TMPRSS3: variants seen among roughly 807,000 people sequenced by gnomAD.
TMPRSS3 encodes the protein transmembrane protease serine 3.
In TMPRSS3, 55 loss-of-function variants were observed where a neutral mutation model predicts 59.6. The ratio of observed to expected loss-of-function variants is 0.92; its 90% CI spans 0.74 to 1.16. The LOEUF (loss-of-function observed/expected upper bound fraction) is 1.16, where lower values mean the gene tolerates loss of function less well. Among genes scored for constraint, TMPRSS3 ranks in the 50% most tolerant of loss-of-function variants. TMPRSS3 has a pLI of 0.00. For missense variants in TMPRSS3, 596 were observed against 579.4 expected, an observed-to-expected ratio of 1.03 and a Z score of -0.29; for synonymous variants, 257 against 237.7, an observed-to-expected ratio of 1.08 and a Z score of -0.75.
chr21:42,381,771 C>T, intron 9 of TMPRSS3: 1 of 537,238 alleles, frequency 1.9e-6, no homozygotes, highest in South Asian at 2.0e-5. Context: ...CTACAAACTA[C>T]ATTTAAACAG....
chr21:42,377,227 C>G (rs1482025087), intron 10 of TMPRSS3, among the ~76,000 whole-genome samples: 2 of 152,200 alleles, frequency 1.3e-5, no homozygotes, highest in Non-Finnish European at 2.9e-5. Context: ...GGGAGATGAT[C>G]CCAAGTAAGA....
chr21:42,394,297 G>A (rs555468274), intron 2 of TMPRSS3, among the ~76,000 whole-genome samples: 9 of 152,154 alleles, frequency 5.9e-5, no homozygotes, highest in African/African-American at 2.2e-4. Flanking sequence ...TCAAATGGCT[G>A]TGTAAATTGC....
At position 42,391,552 on chromosome 21, in the gene TMPRSS3, G is replaced by A. The variant is rs150885490; in HGVS notation, c.95-1515C>T. Among the ~76,000 whole-genome samples, 533 of 152,322 alleles carry A rather than the reference G, an allele frequency of 3.5e-3. 1 individual carries two copies. Among genetic ancestry groups the A allele is most frequent in the Admixed American group, 8.6e-3 (131 of 15,308 alleles). ...TTCCTCCAGAGCAAAGTTTGCACAGGTCTGCTTGCAGACCACTGTAAAGAT... is the reference window on the plus strand; with the variant it reads ...TTCCTCCAGAGCAAAGTTTGCACAGATCTGCTTGCAGACCACTGTAAAGAT... On this transcript the variant is annotated intron_variant, in intron 2 of 12. Coordinates refer to ENST00000644384, the MANE Select transcript of TMPRSS3 (RefSeq NM_001256317.3).
At chr21:42,374,256 G>C (rs569953335) in intron 12 of TMPRSS3, among the ~76,000 whole-genome samples, 2 of 152,166 alleles carry the variant, frequency 1.3e-5, no homozygotes, top group African/African-American at 4.8e-5. Flanking sequence ...AGCAAGGTGA[G>C]CAGGAGCAAG....
chr21:42,390,004 A>T lies in TMPRSS3; in HGVS notation c.128T>A (p.Leu43Gln). 1 of 1,614,230 alleles carries T rather than the reference A, an allele frequency of 6.2e-7. No individual in the cohort carries two copies. Among genetic ancestry groups the T allele is most frequent in the African/African-American group, 1.3e-5 (1 of 75,068 alleles). ...ADAVAAQILS[L>Q]LPLKFFPIIV... ...GATTGGAAAAAACTTCAATGGCAGC[A>T]GTGACAGGATCTGTGCAGCAACAGC... The change falls in exon 3 of 13, where the codon CTG becomes CAG. Residue 43 changes from leucine (L) to glutamine (Q), a missense_variant. Coordinates refer to ENST00000644384, the MANE Select transcript of TMPRSS3 (RefSeq NM_001256317.3).
chr21:42,374,455 C>T (rs1332590846), intron 12 of TMPRSS3, among the ~76,000 whole-genome samples: 1 of 152,224 alleles, frequency 6.6e-6, no homozygotes, highest in East Asian at 1.9e-4. Flanking sequence ...GGAATTAACG[C>T]CTGAGGCACA....
At chr21:42,395,180 C>T in intron 2 of TMPRSS3, 144 bp downstream of exon 2, 1 of 735,180 alleles carries the variant, frequency 1.4e-6, no homozygotes, top group Non-Finnish European at 2.5e-6. Context: ...TGAGATTCTG[C>T]AGATCTAGGG....
At position 42,372,530 on chromosome 21, in the gene TMPRSS3, A is replaced by C. The variant is rs2052351910; in HGVS notation, c.*232T>G. The C allele has an allele frequency of 3.0e-6, 2 of 665,060 alleles. No homozygotes were observed. The highest frequency in any genetic ancestry group is 5.5e-6 in the Non-Finnish European group (2 of 361,700). The allele number at this position is 665,060 out of a possible 1,614,324, so 41.2% of individuals were successfully genotyped here. ...AGCAGGGATTTCGCCACTGCACTCC[A>C]GCCTGGGCAACAGAGCGAGACTCCA... On this transcript the variant is annotated 3_prime_UTR_variant, in exon 13 of 13. Transcript: ENST00000644384.
chr21:42,385,399 G>A lies in TMPRSS3; in HGVS notation c.572+10C>T. ...ACCTGTGCAGACAACAGCATCGCCTGACCACCTACCTCACATATACTGAGT... is the reference window on the plus strand; with the variant it reads ...ACCTGTGCAGACAACAGCATCGCCTAACCACCTACCTCACATATACTGAGT... On this transcript the variant is annotated intron_variant, in intron 6 of 12. Transcript: ENST00000644384. 3 of 1,613,844 alleles carry A rather than the reference G, an allele frequency of 1.9e-6. No homozygotes were observed. Among genetic ancestry groups the A allele is most frequent in the African/African-American group, 1.3e-5 (1 of 74,974 alleles).
chr21:42,383,841 A>T lies in TMPRSS3; in HGVS notation c.616+129T>A, dbSNP rs536811628. On this transcript the variant is annotated intron_variant, in intron 7 of 12. Coordinates refer to ENST00000644384, the MANE Select transcript of TMPRSS3 (RefSeq NM_001256317.3). ...CCTCCTCCAGCAGGTAGGGGTACAC[A>T]GAGTTCCCGCCTGGCACCCAGGAGG... 1.3e-3 allele frequency: 1,281 copies of T among 967,612 alleles called. 3 individuals carry two copies. Among genetic ancestry groups the T allele is most frequent in the Middle Eastern group, 3.3e-3 (16 of 4,856 alleles). 59.9% of individuals were successfully genotyped at this position (967,612 alleles called of 1,614,324 possible). A position where few individuals can be genotyped will look rare whatever the true frequency, so the allele number is the denominator to read the frequency against.
At chr21:42,374,462 C>G (rs543437426) in intron 12 of TMPRSS3, among the ~76,000 whole-genome samples, 1 of 152,344 alleles carries the variant, frequency 6.6e-6, no homozygotes, top group Admixed American at 6.5e-5. Flanking sequence ...ACGCCTGAGG[C>G]ACATTCAGCA....
In TMPRSS3 at chr21:42,389,861, C is replaced by T. The variant is rs146277759; in HGVS notation, c.205+66G>A. 0.016 allele frequency: 19,538 copies of T among 1,192,864 alleles called. 218 individuals are homozygous for T. Among genetic ancestry groups the T allele is most frequent in the Middle Eastern group, 0.023 (119 of 5,230 alleles). 73.9% of individuals were successfully genotyped at this position (1,192,864 alleles called of 1,614,324 possible). On this transcript the variant is annotated intron_variant, in intron 3 of 12. Coordinates refer to ENST00000644384, the MANE Select transcript of TMPRSS3 (RefSeq NM_001256317.3). ...AGCAAAATGCTGGGATGAGAGGGGG[C>T]GCTCATGAAAGTTTAACTACTTGGC...
intron 1 of TMPRSS3, 61 bp downstream of exon 1, chr21:42,395,881 G>A (rs948036258): frequency 8.0e-6 from 4 of 499,730 alleles, no homozygotes; most frequent in African/African-American, 1.9e-5. Context: ...CCACATAAAC[G>A]CAATTCTTTC....
chr21:42,385,108 CCTGCTTTCATTCCCCAGACA>C (rs760731046), intron 6 of TMPRSS3, among the ~76,000 whole-genome samples: 36 of 140,538 alleles, frequency 2.6e-4, no homozygotes, highest in Non-Finnish European at 4.6e-4. Context: ...TTCTTGCTTG[CCTGCTTTCATTCCCCAGACA>C]CACCCAGAGT....
chr21:42,394,958 T>G (rs2052782940), intron 2 of TMPRSS3, among the ~76,000 whole-genome samples: 1 of 152,246 alleles, frequency 6.6e-6, no homozygotes, highest in South Asian at 2.1e-4. Context: ...CAGTTTATCC[T>G]GAGTTTTCGG....
chr21:42,389,830 G>T, intron 3 of TMPRSS3, 97 bp downstream of exon 3: 1 of 941,730 alleles, frequency 1.1e-6, no homozygotes, highest in Non-Finnish European at 1.7e-6. Context: ...ATTAAGGCTG[G>T]GCAGCAGCAA....
chr21:42,383,739 G>T, intron 7 of TMPRSS3: 1 of 707,366 alleles, frequency 1.4e-6, no homozygotes. Context: ...CCTTGGTCCT[G>T]TCCGCTGCTA....
At chr21:42,393,201 C>T (rs1052230397) in intron 2 of TMPRSS3, among the ~76,000 whole-genome samples, 5 of 151,910 alleles carry the variant, frequency 3.3e-5, no homozygotes, top group Non-Finnish European at 5.9e-5. Context: ...GCCGAGATCA[C>T]GCCATTGCAC....
chr21:42,391,139 C>T (rs1017638244), intron 2 of TMPRSS3, among the ~76,000 whole-genome samples: 1 of 152,218 alleles, frequency 6.6e-6, no homozygotes, highest in Admixed American at 6.5e-5. Flanking sequence ...ACACGGGGGG[C>T]TTGCAGGCAG....
Sources: gnomAD v4.1 joint callset for allele counts (sites outside exome capture counted in the v4.1 genomes callset) on GRCh38, gnomAD v4.1.1 for gene constraint, MANE v1.5 for transcripts, NCBI Gene and HGNC (gene_info 2026-07-23, HGNC 2026-07-21) for gene names.